The following AAGAB variants were observed in gnomAD, a reference collection of about 807,000 sequenced individuals.
The protein encoded by AAGAB is alpha- and gamma-adaptin-binding protein p34.
A neutral mutation model predicts 44.1 loss-of-function variants in AAGAB; 38 were observed. The observed-to-expected ratio is 0.86, with a 90% CI of 0.67 to 1.13. The LOEUF is 1.13. AAGAB is among the 50% of genes most tolerant of loss of function. AAGAB has a pLI of 0.00. For missense variants in AAGAB, 450 were observed against 373.8 expected (o/e 1.20, Z -1.68); for synonymous variants, 131 against 131.8 (o/e 0.99, Z 0.04).
At chr15:67,253,272 G>T (rs1254320828) in intron 1 of AAGAB, among the ~76,000 whole-genome samples, 5 of 146,290 alleles carry the variant, frequency 3.4e-5, no homozygotes, top group Admixed American at 2.0e-4. Flanking sequence ...GGGGGGGGGG[G>T]GGGCAATTAG....
chr15:67,208,459 C>T, intron 7 of AAGAB, 103 bp downstream of exon 7: 26 of 995,364 alleles, frequency 2.6e-5, no homozygotes, highest in Admixed American at 1.9e-4. Flanking sequence ...AATTTTTTTC[C>T]CTTCTCTGTG....
At position 67,208,567 on chromosome 15, in the gene AAGAB, A is replaced by G. The variant is rs1328091637; in HGVS notation, c.710T>C (p.Ile237Thr). 2 of 1,613,794 alleles carry G rather than the reference A, an allele frequency of 1.2e-6. No homozygotes were observed. The highest frequency in any genetic ancestry group is 2.7e-5 in the African/African-American group (2 of 74,896). Residue 237 changes from isoleucine to threonine, a missense_variant, in exon 7 of 10, where the codon ATT becomes ACT. By Grantham distance (89) the Ile-to-Thr change is moderately conservative. Transcript: ENST00000261880. ...CAGCCAAAGGAGGAACTTACCCACA[A>G]TGCTATCAACCTGGGCATCTGTTGT... ...SNTTDAQVDS[I>T]VDPMLDLDIQ...
chr15:67,224,840 G>A (rs779521108), intron 5 of AAGAB, among the ~76,000 whole-genome samples: 4 of 152,076 alleles, frequency 2.6e-5, no homozygotes, highest in East Asian at 1.9e-4. Flanking sequence ...CTTGGCCTCC[G>A]AAAGTGCTGG....
intron 4 of AAGAB, 77 bp downstream of exon 4, chr15:67,235,902 T>C (rs1022642071): frequency 8.8e-7 from 1 of 1,135,796 alleles, no homozygotes; most frequent in East Asian, 2.5e-5. Flanking sequence ...TGAATTTTGC[T>C]GTGATTCTTC....
chr15:67,231,093 G>A (rs1964323751), intron 5 of AAGAB, among the ~76,000 whole-genome samples: 1 of 151,926 alleles, frequency 6.6e-6, no homozygotes. Flanking sequence ...AGGCTGGTGT[G>A]CAGTGGCATG....
intron 7 of AAGAB, among the ~76,000 whole-genome samples, chr15:67,204,479 TACTC>T (rs1963641954): frequency 6.6e-6 from 1 of 152,196 alleles, no homozygotes; most frequent in Admixed American, 6.5e-5. Flanking sequence ...TCGGAAAGCA[TACTC>T]ACTCCACTAA....
chr15:67,252,833 T>C (rs371134497), intron 1 of AAGAB, among the ~76,000 whole-genome samples: 1 of 152,232 alleles, frequency 6.6e-6, no homozygotes, highest in Non-Finnish European at 1.5e-5. Context: ...CTAAGTCATA[T>C]AATATCTGCA....
At chr15:67,250,899 C>A (rs1354528987) in intron 1 of AAGAB, among the ~76,000 whole-genome samples, 1 of 152,098 alleles carries the variant, frequency 6.6e-6, no homozygotes, top group Non-Finnish European at 1.5e-5. Flanking sequence ...TGGTGGTGGG[C>A]GCCTGTAGTC....
intron 7 of AAGAB, among the ~76,000 whole-genome samples, chr15:67,204,811 C>T (rs748118512): frequency 2.0e-5 from 3 of 152,184 alleles, no homozygotes; most frequent in Non-Finnish European, 2.9e-5. Flanking sequence ...ACTCCAGGCC[C>T]ACTATGTTTA....
chr15:67,208,111 G>C (rs954603147), intron 7 of AAGAB, among the ~76,000 whole-genome samples: 1 of 151,960 alleles, frequency 6.6e-6, no homozygotes, highest in Non-Finnish European at 1.5e-5. Context: ...AGATGTCCTT[G>C]GACAAGTTAT....
intron 1 of AAGAB, among the ~76,000 whole-genome samples, chr15:67,247,765 T>C (rs887009805): frequency 2.0e-5 from 3 of 152,230 alleles, no homozygotes; most frequent in African/African-American, 7.2e-5. Flanking sequence ...AATAGAGTCA[T>C]TTTCATTTAT....
At chr15:67,241,161 A>C (rs1259832362) in intron 1 of AAGAB, among the ~76,000 whole-genome samples, 1 of 152,116 alleles carries the variant, frequency 6.6e-6, no homozygotes, top group East Asian at 1.9e-4. Flanking sequence ...TGCATTCTAA[A>C]CTAGGCATGT....
chr15:67,248,160 C>A (rs1024631553), intron 1 of AAGAB, among the ~76,000 whole-genome samples: 4 of 152,082 alleles, frequency 2.6e-5, no homozygotes, highest in Admixed American at 2.0e-4. Context: ...TTGATGACAA[C>A]CTCCCTCTTT....
rs1327755494 is a variant in AAGAB, at chr15:67,202,617, T to A, written c.*204A>T. On this transcript the variant is annotated 3_prime_UTR_variant, in exon 10 of 10. Coordinates refer to ENST00000261880, the MANE Select transcript of AAGAB (RefSeq NM_024666.5). ...AAATCCTCACTCATTACTATCACTG[T>A]ATTCCTCACTCTCTTACAATATACT... 18 of 562,156 alleles carry A rather than the reference T, an allele frequency of 3.2e-5. No homozygotes were observed. Among genetic ancestry groups the A allele is most frequent in the Non-Finnish European group, 9.5e-6 (3 of 314,624 alleles). The allele number at this position is 562,156 out of a possible 1,614,324, so 34.8% of individuals were successfully genotyped here. A position where few individuals can be genotyped will look rare whatever the true frequency, so the allele number is the denominator to read the frequency against.
At chr15:67,254,897 A>ATGGCACAT (rs1965061432), upstream of AAGAB, 1 of 1,613,642 alleles carries the variant, frequency 6.2e-7, no homozygotes. Context: ...TGACCTAGCC[A>ATGGCACAT]TGGCACAGAA....
intron 1 of AAGAB, among the ~76,000 whole-genome samples, chr15:67,250,308 C>T (rs1964831986): frequency 6.6e-6 from 1 of 152,076 alleles, no homozygotes. Context: ...ACCTGAGTAG[C>T]TAGGATTATA....
At chr15:67,211,429 G>A (rs1397430094) in intron 5 of AAGAB, among the ~76,000 whole-genome samples, 2 of 152,190 alleles carry the variant, frequency 1.3e-5, no homozygotes, top group Non-Finnish European at 2.9e-5. Context: ...AGGCCCGAGA[G>A]AAGCAGATCC....
In AAGAB at chr15:67,206,124, T is replaced by A. The variant is rs147658373; in HGVS notation, c.716-1976A>T. 1.9e-3 allele frequency among the ~76,000 whole-genome samples: 285 copies of A among 152,354 alleles called. 1 individual carries two copies. The highest frequency in any genetic ancestry group is 5.2e-3 in the Admixed American group (80 of 15,304). On this transcript the variant is annotated intron_variant, in intron 7 of 9. Transcript: ENST00000261880. The stretch of plus-strand genomic sequence containing the variant: ...GTCAAATCTCCTTAGTCTTCTCCAA[T>A]TTGTGACAGTTCCTCAGTCTTTCAC...
At chr15:67,254,888 G>C, upstream of AAGAB, 1 of 1,613,488 alleles carries the variant, frequency 6.2e-7, no homozygotes, top group South Asian at 1.1e-5. Flanking sequence ...GCCGTTCCCT[G>C]ACCTAGCCAT....
Sources: allele counts gnomAD v4.1 joint callset (sites outside exome capture counted in the v4.1 genomes callset), GRCh38; gene constraint gnomAD v4.1.1; transcripts MANE v1.5; gene names NCBI Gene and HGNC (gene_info 2026-07-23, HGNC 2026-07-21).